SSH2: variants seen among roughly 807,000 people sequenced by gnomAD.
SSH2 encodes slingshot protein phosphatase 2.
A neutral mutation model predicts 135.2 loss-of-function variants in SSH2; 37 were observed. The observed-to-expected ratio is 0.27, with a 90% confidence interval of 0.21 to 0.36. The LOEUF (loss-of-function observed/expected upper bound fraction) is 0.36, where lower values mean the gene tolerates loss of function less well. Among genes scored for constraint, SSH2 ranks in the 10% least tolerant of loss-of-function variants. SSH2 has a pLI of 1.00. For synonymous variants in SSH2, 628 were observed against 646.2 expected (o/e 0.97, Z 0.43); for missense variants, 1,408 against 1,765.3 (o/e 0.80, Z 3.63).
chr17:29,897,674 T>C (rs2066470013), intron 1 of SSH2, among the ~76,000 whole-genome samples: 1 of 152,032 alleles, frequency 6.6e-6, no homozygotes, highest in Admixed American at 6.6e-5. Flanking sequence ...CACACAATAA[T>C]AATGGGAGAC....
At chr17:29,876,056 C>T (rs941130084) in intron 1 of SSH2, among the ~76,000 whole-genome samples, 1 of 145,620 alleles carries the variant, frequency 6.9e-6, no homozygotes, top group Non-Finnish European at 1.5e-5. Flanking sequence ...AAAATGTTCA[C>T]AGTACATACA....
chr17:29,837,878 C>A (rs1244326758), intron 2 of SSH2, among the ~76,000 whole-genome samples: 1 of 152,238 alleles, frequency 6.6e-6, no homozygotes. Context: ...AGAAGCCCTG[C>A]CCCTTGCAAG....
At chr17:29,672,504 T>C (rs1396487158) in intron 8 of SSH2, among the ~76,000 whole-genome samples, 1 of 152,210 alleles carries the variant, frequency 6.6e-6, no homozygotes, top group Non-Finnish European at 1.5e-5. Context: ...AAGATTTGTT[T>C]CCCTCAGCAC....
intron 12 of SSH2, 141 bp from the exon 13 acceptor site, chr17:29,650,941 A>G (rs2036557392): frequency 1.5e-6 from 1 of 648,130 alleles, no homozygotes; most frequent in East Asian, 3.2e-5. Flanking sequence ...TAAAAAACTA[A>G]GAGGTTATAT....
At chr17:29,929,877 C>G (rs1363215296) in intron 1 of SSH2, 61 bp downstream of exon 1, 1 of 1,491,896 alleles carries the variant, frequency 6.7e-7, no homozygotes, top group African/African-American at 1.4e-5. Context: ...GCGGGACCCG[C>G]TGAGGCAAAG....
chr17:29,831,055 T>C (rs2042836201), intron 2 of SSH2, among the ~76,000 whole-genome samples: 1 of 152,240 alleles, frequency 6.6e-6, no homozygotes, highest in African/African-American at 2.4e-5. Context: ...TTACTTGTTA[T>C]ATGGAGCTCA....
chr17:29,904,761 C>T (rs950105456), intron 1 of SSH2, among the ~76,000 whole-genome samples: 93 of 152,184 alleles, frequency 6.1e-4, no homozygotes, highest in Non-Finnish European at 1.9e-4. Flanking sequence ...CCCATTGTCT[C>T]AGCCCCAAAG....
At chr17:29,767,904 G>GA (rs1186818207) in intron 3 of SSH2, among the ~76,000 whole-genome samples, 1 of 151,964 alleles carries the variant, frequency 6.6e-6, no homozygotes, top group Non-Finnish European at 1.5e-5. Context: ...CAGGGATATT[G>GA]AAAAAAATAT....
At chr17:29,916,528 G>A (rs1032965267) in intron 1 of SSH2, among the ~76,000 whole-genome samples, 11 of 149,804 alleles carry the variant, frequency 7.3e-5, no homozygotes, top group Admixed American at 2.7e-4. Flanking sequence ...GTGCAGTGGC[G>A]TGACTCACTG....
chr17:29,798,671 G>C (rs1372950479), intron 2 of SSH2, among the ~76,000 whole-genome samples: 3 of 152,076 alleles, frequency 2.0e-5, no homozygotes, highest in Non-Finnish European at 2.9e-5. Context: ...AAGAAATTGA[G>C]GTACAAACTG....
At chr17:29,692,618 A>G (rs2038535968) in intron 5 of SSH2, among the ~76,000 whole-genome samples, 1 of 152,234 alleles carries the variant, frequency 6.6e-6, no homozygotes, top group African/African-American at 2.4e-5. Context: ...GTTCAAACCA[A>G]ATTCCAGAAG....
intron 11 of SSH2, 131 bp from the exon 12 acceptor site, chr17:29,655,738 G>A: frequency 4.1e-6 from 3 of 728,552 alleles, no homozygotes; most frequent in South Asian, 1.6e-5. Context: ...AAGTTGCCAG[G>A]CACTTCATAT....
chr17:29,755,008 T>TA (rs1375683788), intron 3 of SSH2, among the ~76,000 whole-genome samples: 3 of 152,226 alleles, frequency 2.0e-5, no homozygotes, highest in Non-Finnish European at 4.4e-5. Context: ...TAACAATTTT[T>TA]ATTCTTCCCT....
chr17:29,824,740 GT>G (rs1449717281), intron 2 of SSH2, among the ~76,000 whole-genome samples: 1 of 152,210 alleles, frequency 6.6e-6, no homozygotes, highest in Non-Finnish European at 1.5e-5. Context: ...AACTGTGCCT[GT>G]AGCATAGCTG....
At chr17:29,836,588 G>A (rs537374655) in intron 2 of SSH2, among the ~76,000 whole-genome samples, 28 of 152,278 alleles carry the variant, frequency 1.8e-4, no homozygotes, top group African/African-American at 5.5e-4. Context: ...AATAACGTAC[G>A]TACTAACATT....
intron 14 of SSH2, among the ~76,000 whole-genome samples, chr17:29,646,302 T>C (rs541888029): frequency 2.0e-5 from 3 of 152,142 alleles, no homozygotes; most frequent in South Asian, 2.1e-4. Context: ...CTTACCGATA[T>C]AGGAAGACAT....
Position 29,903,339 on chromosome 17 carries a change from T to A in SSH2, c.63+26599A>T, listed in dbSNP as rs1246349672. On this transcript the variant is annotated intron_variant, in intron 1 of 15. Transcript: ENST00000540801. ...ATACTTTTTAACCAACACAACAGAA[T>A]ATATATTTTTAAAAGTGTTCCCTTC... 2.7e-5 allele frequency among the ~76,000 whole-genome samples: 4 copies of A among 149,676 alleles called. No individual in the cohort carries two copies. In the South Asian group the frequency reaches 6.3e-4, roughly 23 times the overall value.
chr17:29,750,647 A>C (rs1282805970), intron 3 of SSH2, among the ~76,000 whole-genome samples: 2 of 151,440 alleles, frequency 1.3e-5, no homozygotes, highest in Non-Finnish European at 2.9e-5. Flanking sequence ...CTCAGCCCCC[A>C]GAGTAGCTGG....
intron 1 of SSH2, among the ~76,000 whole-genome samples, chr17:29,889,275 C>T (rs575282480): frequency 2.6e-5 from 4 of 151,952 alleles, no homozygotes; most frequent in Admixed American, 1.3e-4. Flanking sequence ...GGTAAAACCC[C>T]GTCTCTACTA....
Sources: allele counts gnomAD v4.1 joint callset (sites outside exome capture counted in the v4.1 genomes callset), GRCh38; gene constraint gnomAD v4.1.1; transcripts MANE v1.5; gene names NCBI Gene and HGNC (gene_info 2026-07-23, HGNC 2026-07-21).